The following POLN variants were observed in gnomAD, a reference collection of about 807,000 sequenced individuals.
POLN encodes DNA polymerase nu, also known as DNA polymerase N.
A neutral mutation model predicts 113.5 loss-of-function variants in POLN; 108 were observed. The observed-to-expected ratio is 0.95, with a 90% CI of 0.81 to 1.12. The LOEUF (loss-of-function observed/expected upper bound fraction) is 1.12. Ranked by LOEUF, POLN falls within the 50% of genes most tolerant of loss-of-function variation. POLN has a pLI of 0.00. For missense variants in POLN, 1,097 were observed against 1,077.1 expected, an observed-to-expected ratio of 1.02 and a Z score of -0.26; for synonymous variants, 386 against 391.5, an observed-to-expected ratio of 0.99 and a Z score of 0.17.
intron 14 of POLN, 74 bp from the exon 15 acceptor site, chr4:2,157,985 T>A: frequency 8.3e-7 from 1 of 1,202,238 alleles, no homozygotes; most frequent in Non-Finnish European, 1.2e-6. Context: ...GGAGTCTCGC[T>A]CCATTGCCCA....
At chr4:2,149,178 C>CA (rs1464461667) in intron 16 of POLN, among the ~76,000 whole-genome samples, 1 of 152,086 alleles carries the variant, frequency 6.6e-6, no homozygotes, top group Non-Finnish European at 1.5e-5. Flanking sequence ...CCTGTAGTCC[C>CA]AGCTACTTGG....
chr4:2,238,789 C>T (rs369273823), intron 2 of POLN: 2 of 1,613,450 alleles, frequency 1.2e-6, no homozygotes, highest in African/African-American at 2.7e-5. Flanking sequence ...CATATGATAA[C>T]TGTAGAAGTT....
chr4:2,159,312 G>T, intron 13 of POLN, 101 bp from the exon 14 acceptor site: 2 of 1,006,174 alleles, frequency 2.0e-6, no homozygotes, highest in South Asian at 1.5e-5. Context: ...TGGTCTAATT[G>T]AGCATATTTT....
intron 6 of POLN, among the ~76,000 whole-genome samples, chr4:2,194,442 T>C (rs191425809): frequency 3.9e-5 from 6 of 152,298 alleles, no homozygotes; most frequent in African/African-American, 1.2e-4. Context: ...TCACCTTGGT[T>C]TCCCTTGAAA....
intron 20 of POLN, chr4:2,088,604 C>A: frequency 1.6e-6 from 1 of 623,936 alleles, no homozygotes. Flanking sequence ...TGATCTACAA[C>A]AATTTTCATG....
intron 23 of POLN, chr4:2,080,598 G>A: frequency 8.3e-7 from 1 of 1,211,788 alleles, no homozygotes; most frequent in Non-Finnish European, 1.0e-6. Context: ...GCAGGGGTGG[G>A]GGCAGTTTGG....
chr4:2,221,475 T>C (rs964367585), intron 3 of POLN, among the ~76,000 whole-genome samples: 2 of 152,166 alleles, frequency 1.3e-5, no homozygotes, highest in Non-Finnish European at 2.9e-5. Flanking sequence ...TCTGATTGCT[T>C]CCCCTCCCCA....
chr4:2,205,602 T>C (rs7666023), intron 5 of POLN, among the ~76,000 whole-genome samples: 2,197 of 152,226 alleles, frequency 0.014, 66 homozygotes, highest in African/African-American at 0.05. Flanking sequence ...AGGCCAGGCA[T>C]GGTGGCTGAC....
intron 7 of POLN, among the ~76,000 whole-genome samples, chr4:2,181,103 TAA>T (rs34645662): frequency 0.25 from 37,224 of 147,038 alleles, 7,025 homozygotes; most frequent in African/African-American, 0.52. Context: ...CTACTTAAAG[TAA>T]AAAAAAAAAG....
At chr4:2,151,453 C>A (rs1002560170) in intron 16 of POLN, among the ~76,000 whole-genome samples, 12 of 152,214 alleles carry the variant, frequency 7.9e-5, no homozygotes, top group Admixed American at 6.5e-5. Context: ...AGCTACTTGA[C>A]TCTTTGGTAT....
At position 2,128,379 on chromosome 4, in the gene POLN, T is replaced by A. The variant is rs1731637797; in HGVS notation, c.1868-152A>T. 5.0e-6 allele frequency: 3 copies of A among 596,538 alleles called. No homozygotes were observed. The South Asian group carries it at 6.3e-5, about 12-fold the overall frequency. 37.0% of individuals were successfully genotyped at this position (596,538 alleles called of 1,614,324 possible). On this transcript the variant is annotated intron_variant, in intron 18 of 25. Coordinates refer to ENST00000511885, the MANE Select transcript of POLN (RefSeq NM_181808.4). ...CTCCCAGGGTCCTCTGACCTCAGTG[T>A]CAGGAGGTGAGAAATGAAATGGGGA... is the stretch of plus-strand genomic sequence containing the variant.
intron 23 of POLN, chr4:2,080,297 C>T: frequency 1.0e-6 from 1 of 997,078 alleles, no homozygotes; most frequent in Non-Finnish European, 1.2e-6. Context: ...GAGGAATGTG[C>T]CCTGGGGGAA....
chr4:2,088,148 T>G (rs1446834395), intron 20 of POLN, among the ~76,000 whole-genome samples: 1 of 152,180 alleles, frequency 6.6e-6, no homozygotes, highest in Non-Finnish European at 1.5e-5. Context: ...TTATTATCAT[T>G]AAAAATGTAT....
chr4:2,129,345 C>T, intron 17 of POLN, 89 bp from the exon 18 acceptor site: 1 of 832,052 alleles, frequency 1.2e-6, no homozygotes, highest in East Asian at 2.6e-5. Flanking sequence ...GAATATTATT[C>T]TGAAGTCCAG....
At chr4:2,125,157 T>TG (rs771862585) in intron 19 of POLN, among the ~76,000 whole-genome samples, 72 of 152,190 alleles carry the variant, frequency 4.7e-4, no homozygotes, top group Admixed American at 8.5e-4. Flanking sequence ...GGATGAAGGC[T>TG]GCCATGTAAG....
At chr4:2,158,006 C>T (rs1321855729) in intron 14 of POLN, 95 bp from the exon 15 acceptor site, 5 of 910,520 alleles carry the variant, frequency 5.5e-6, no homozygotes, top group Non-Finnish European at 6.7e-6. Context: ...GGCTGGAGTG[C>T]AGTGGCGTGA....
chr4:2,172,289 T>G (rs73199226), intron 11 of POLN, among the ~76,000 whole-genome samples: 1 of 152,108 alleles, frequency 6.6e-6, no homozygotes, highest in Non-Finnish European at 1.5e-5. Context: ...TCAACTGCAA[T>G]GACCACAACA....
chr4:2,162,209 T>G (rs1382640482), intron 13 of POLN, among the ~76,000 whole-genome samples: 1 of 152,130 alleles, frequency 6.6e-6, no homozygotes, highest in Admixed American at 6.5e-5. Flanking sequence ...TTATGAGCTG[T>G]AACACTCACT....
At chr4:2,194,492 C>A (rs568739988) in intron 6 of POLN, among the ~76,000 whole-genome samples, 2 of 152,218 alleles carry the variant, frequency 1.3e-5, no homozygotes, top group East Asian at 3.9e-4. Flanking sequence ...GCGCCAATAA[C>A]ACAGCTTCAG....
Sources: allele counts gnomAD v4.1 joint callset (sites outside exome capture counted in the v4.1 genomes callset), GRCh38; gene constraint gnomAD v4.1.1; transcripts MANE v1.5; gene names NCBI Gene and HGNC (gene_info 2026-07-23, HGNC 2026-07-21).